Variants in PTCH2 observed in about 807,000 individuals in gnomAD.
PTCH2 encodes patched 2, also known as protein patched homolog 2.
A neutral mutation model predicts 117.9 loss-of-function variants in PTCH2; 96 were observed. The observed-to-expected ratio is 0.81, with a 90% confidence interval of 0.69 to 0.96. The LOEUF (loss-of-function observed/expected upper bound fraction) is 0.96. PTCH2 is among the 50% of genes least tolerant of loss of function. PTCH2 has a pLI of 0.00. For synonymous variants in PTCH2, 615 were observed against 660.9 expected (o/e 0.93, Z 1.06); for missense variants, 1,379 against 1,562.5 (o/e 0.88, Z 1.98).
intron 2 of PTCH2, among the ~76,000 whole-genome samples, chr1:44,834,122 CTTT>C (rs10695694): frequency 2.1e-5 from 3 of 141,006 alleles, no homozygotes; most frequent in Admixed American, 7.2e-5. Flanking sequence ...AGTTCCTTCC[CTTT>C]TTTTTTTTTT....
chr1:44,831,901 G>A lies in PTCH2; in HGVS notation c.525+74C>T, dbSNP rs899505614. On this transcript the variant is annotated intron_variant, in intron 4 of 21. Transcript: ENST00000372192. The surrounding 1 kb of genome is among the most constrained non-coding windows in gnomAD (Gnocchi z 4.3). ...TTTAAGGGGGCAGATTGCAGGCTGTGGGGCTTGCTCGGTCTCTGAGTCCTC... is the reference window on the plus strand; with the variant it reads ...TTTAAGGGGGCAGATTGCAGGCTGTAGGGCTTGCTCGGTCTCTGAGTCCTC... 14 of 1,572,094 alleles carry A rather than the reference G, an allele frequency of 8.9e-6. No individual in the cohort carries two copies. Among genetic ancestry groups the A allele is most frequent in the Non-Finnish European group, 1.2e-5 (14 of 1,141,890 alleles).
Position 44,826,625 on chromosome 1 carries a change from T to C in PTCH2, c.2839A>G (p.Ser947Gly). ...TCCCAGAAGAGGAAGGGGGAGCCGC[T>C]GGGGTAGGCGTGCACCCCAGCCTGG... ...AGQAGVHAYP[S>G]GSPFLFWEQY... is the part of the protein sequence containing the mutation. The change falls in exon 18 of 22, where the codon AGC becomes GGC. Residue 947 changes from serine to glycine, a missense_variant. By Grantham distance (56) the Ser-to-Gly change is moderately conservative. Coordinates refer to ENST00000372192, the MANE Select transcript of PTCH2 (RefSeq NM_003738.5). The surrounding 1 kb of genome is among the most constrained non-coding windows in gnomAD (Gnocchi z 5.1). 1.2e-6 allele frequency: 2 copies of C among 1,613,126 alleles called. No individual in the cohort carries two copies. The highest frequency in any genetic ancestry group is 1.7e-6 in the Non-Finnish European group (2 of 1,179,982).
Position 44,831,127 on chromosome 1 carries a change from A to C in PTCH2, c.618-84T>G. 1.5e-6 allele frequency: 2 copies of C among 1,333,248 alleles called. No homozygotes were observed. The highest frequency in any genetic ancestry group is 4.1e-5 in the Admixed American group (2 of 48,672). The allele number at this position is 1,333,248 out of a possible 1,614,324, so 82.6% of individuals were successfully genotyped here. On this transcript the variant is annotated intron_variant, in intron 5 of 21. Transcript: ENST00000372192. This position sits in a 1 kb window ranked among gnomAD's most constrained non-coding sequence, Gnocchi z 4.3. Reference sequence around the variant, plus strand: ...CTGCTGGGGCGCCATGCTGTACCCCACCCTCCTCTTATCTGCCGATTTGTC... The same window carrying C: ...CTGCTGGGGCGCCATGCTGTACCCCCCCCTCCTCTTATCTGCCGATTTGTC...
rs1653461322 is a variant in PTCH2 at position 44,831,848 on chromosome 1, G to T, written c.526-51C>A. The T allele has an allele frequency of 6.3e-7, 1 of 1,594,286 alleles. No homozygotes were observed. The highest frequency in any genetic ancestry group is 1.1e-5 in the South Asian group (1 of 90,680). On this transcript the variant is annotated intron_variant, in intron 4 of 21. Coordinates refer to ENST00000372192, the MANE Select transcript of PTCH2 (RefSeq NM_003738.5). The surrounding 1 kb of genome is among the most constrained non-coding windows in gnomAD (Gnocchi z 4.3). The stretch of plus-strand genomic sequence containing the variant: ...CAGTCCTGCCCCACAACCTTTGTAG[G>T]ATGCCCTCTGCAATCCCCCTCCTTA...
In PTCH2 at chr1:44,829,240, C is replaced by T. The variant is rs1343652333; in HGVS notation, c.1288G>A (p.Val430Ile). Residue 430 changes from valine (V) to isoleucine (I), a missense_variant, in exon 10 of 22, where the codon GTA becomes ATA. Physicochemically the swap from Val to Ile is conservative, Grantham distance 29. Coordinates refer to ENST00000372192, the MANE Select transcript of PTCH2 (RefSeq NM_003738.5). Reference protein sequence around the residue: ...QSQGSVGLAGVLLVALAVASG... With the variant: ...QSQGSVGLAGILLVALAVASG... ...GCCACCGCCAGGGCCACCAGCAGTA[C>T]CCCGGCAAGGCCCACGGAACCCTGG... 6.2e-7 allele frequency: 1 copy of T among 1,613,556 alleles called. No homozygotes were observed.
Position 44,823,458 on chromosome 1 carries a change from T to A in PTCH2, c.3115-73A>T. On this transcript the variant is annotated intron_variant, in intron 19 of 21. Coordinates refer to ENST00000372192, the MANE Select transcript of PTCH2 (RefSeq NM_003738.5). This position sits in a 1 kb window ranked among gnomAD's most constrained non-coding sequence, Gnocchi z 5.1. ...CAGCTCAGCCATGTCCCGAGCTGTA[T>A]CTGTCTTCAGAGCTCAACGATACCT... 6.2e-7 allele frequency: 1 copy of A among 1,605,906 alleles called. No homozygotes were observed.
rs1226786085 is a variant in PTCH2 at position 44,823,858 on chromosome 1, G to C, written c.3115-473C>G. Among the ~76,000 whole-genome samples, 1 of 151,866 alleles carries C rather than the reference G, an allele frequency of 6.6e-6. No individual in the cohort carries two copies. Among genetic ancestry groups the C allele is most frequent in the Non-Finnish European group, 1.5e-5 (1 of 67,988 alleles). ...GGAGGCTGAGGTGGGAGGATCGCTT[G>C]GCCCAGGAGGTGGAGGTTGCAGTGA... On this transcript the variant is annotated intron_variant, in intron 19 of 21. Transcript: ENST00000372192. This position sits in a 1 kb window ranked among gnomAD's most constrained non-coding sequence, Gnocchi z 5.1.
rs1184052513 is a variant in PTCH2, at chr1:44,829,591, C to G, written c.1083+23G>C. 6 of 1,614,080 alleles carry G rather than the reference C, an allele frequency of 3.7e-6. No individual in the cohort carries two copies. The East Asian group carries it at 6.7e-5, about 18-fold the overall frequency. On this transcript the variant is annotated intron_variant, in intron 8 of 21. Coordinates refer to ENST00000372192, the MANE Select transcript of PTCH2 (RefSeq NM_003738.5). ...AGGAGGGAATGGCCTCAGGGCACCCCCCTTGTCCTTGTCCATACCGACCTG... is the reference window on the plus strand; with the variant it reads ...AGGAGGGAATGGCCTCAGGGCACCCGCCTTGTCCTTGTCCATACCGACCTG...
chr1:44,842,957 C>G lies in PTCH2; in HGVS notation c.-25G>C. ...TGCTGGCGGGGATGGGGGGCGCGGGCGCCCCCAACCCGCGTTATCTGGGCG... is the reference window on the plus strand; with the variant it reads ...TGCTGGCGGGGATGGGGGGCGCGGGGGCCCCCAACCCGCGTTATCTGGGCG... On this transcript the variant is annotated 5_prime_UTR_variant, in exon 1 of 22. Transcript: ENST00000372192. 2 of 1,521,742 alleles carry G rather than the reference C, an allele frequency of 1.3e-6. No homozygotes were observed. The highest frequency in any genetic ancestry group is 1.8e-6 in the Non-Finnish European group (2 of 1,136,334). The allele number at this position is 1,521,742 out of a possible 1,614,324, so 94.3% of individuals were successfully genotyped here.
At chr1:44,840,324 A>G (rs571930065) in intron 2 of PTCH2, among the ~76,000 whole-genome samples, 1 of 150,642 alleles carries the variant, frequency 6.6e-6, no homozygotes, top group Non-Finnish European at 1.5e-5. Context: ...GTTGGTCTTG[A>G]ACTCCTGACC....
chr1:44,842,317 TTGCCC>T (rs2148886764), intron 1 of PTCH2, among the ~76,000 whole-genome samples: 1 of 150,642 alleles, frequency 6.6e-6, no homozygotes, highest in African/African-American at 2.5e-5. Context: ...TCTCGCTCTG[TTGCCC>T]TGGCTGGAGT....
At position 44,823,384 on chromosome 1, in the gene PTCH2, C is replaced by T. The variant is rs751237223; in HGVS notation, c.3116G>A (p.Gly1039Asp). 1 of 1,614,124 alleles carries T rather than the reference C, an allele frequency of 6.2e-7. No homozygotes were observed. Among genetic ancestry groups the T allele is most frequent in the Non-Finnish European group, 8.5e-7 (1 of 1,180,030 alleles). ...GVEFTVHVALGFLTTQGSRNL... is the reference protein window; with the variant it reads ...GVEFTVHVALDFLTTQGSRNL... ...CCGGCTGCCCTGGGTGGTCAGGAAG[C>T]CCTAGGAAAACAGAGTGGTCCTGGA... Residue 1039 changes from glycine (G) to aspartate (D), a missense_variant and splice_region_variant, in exon 20 of 22, where the codon GGC (glycine) becomes GAC (aspartate). Physicochemically the swap from Gly to Asp is moderately conservative, Grantham distance 94 (BLOSUM62 -1). Transcript: ENST00000372192. The surrounding 1 kb of genome is among the most constrained non-coding windows in gnomAD (Gnocchi z 5.1).
At position 44,822,498 on chromosome 1, in the gene PTCH2, C is replaced by A. The variant is rs1416107461; in HGVS notation, c.3529G>T (p.Ala1177Ser). ...GGGGACCAAGGGGGCTCATCAGGGG[C>A]TGGATGGATGTAGGCACCAGGCAGG... ...PPLPGAYIHP[A>S]PDEPPWSPAA... The change falls in exon 22 of 22, where the codon GCC (alanine) becomes TCC (serine). Residue 1177 changes from alanine to serine, a missense_variant. Ala to Ser is a moderately conservative substitution (Grantham distance 99). Coordinates refer to ENST00000372192, the MANE Select transcript of PTCH2 (RefSeq NM_003738.5). The A allele has an allele frequency of 1.5e-5, 25 of 1,613,932 alleles. No individual in the cohort carries two copies. Among genetic ancestry groups the A allele is most frequent in the Non-Finnish European group, 2.1e-5 (25 of 1,179,902 alleles).
intron 1 of PTCH2, among the ~76,000 whole-genome samples, chr1:44,842,356 T>G (rs1653990354): frequency 6.7e-6 from 1 of 148,150 alleles, no homozygotes; most frequent in African/African-American, 2.5e-5. Context: ...CTCGGCTGAC[T>G]GCAACCTCCG....
At position 44,822,483 on chromosome 1, in the gene PTCH2, G is replaced by C. The variant is rs997907878; in HGVS notation, c.3544C>G (p.Pro1182Ala). Residue 1182 changes from proline (P) to alanine (A), a missense_variant, in exon 22 of 22, where the codon CCT becomes GCT. Coordinates refer to ENST00000372192, the MANE Select transcript of PTCH2 (RefSeq NM_003738.5). ...GAGCTAGTGGCAGCAGGGGACCAAG[G>C]GGGCTCATCAGGGGCTGGATGGATG... ...AYIHPAPDEP[P>A]WSPAATSSGN... 7 of 1,613,874 alleles carry C rather than the reference G, an allele frequency of 4.3e-6. No individual in the cohort carries two copies. The highest frequency in any genetic ancestry group is 3.3e-4 in the Middle Eastern group (2 of 6,074).
At chr1:44,825,707 A>G (rs1653112623) in intron 19 of PTCH2, among the ~76,000 whole-genome samples, 1 of 148,594 alleles carries the variant, frequency 6.7e-6, no homozygotes, top group Non-Finnish European at 1.5e-5. Context: ...TTGTATTTTC[A>G]GTAGAGACGG....
Position 44,822,655 on chromosome 1 carries a change from G to A in PTCH2, c.3372C>T (p.Tyr1124=). 1 of 1,613,876 alleles carries A rather than the reference G, an allele frequency of 6.2e-7. No homozygotes were observed. Among genetic ancestry groups the A allele is most frequent in the Non-Finnish European group, 8.5e-7 (1 of 1,179,864 alleles). Residue 1124 remains tyrosine, a synonymous_variant, in exon 22 of 22, where the codon TAC becomes TAT. Transcript: ENST00000372192. ...LGPPPEVIQM[Y]KESPEILSPP... ...GACTCAGGATCTCTGGGCTTTCCTT[G>A]TACATCTGTATCACCTGTGGGGAGA...
intron 2 of PTCH2, among the ~76,000 whole-genome samples, chr1:44,837,417 C>T (rs1653735906): frequency 6.6e-6 from 1 of 152,120 alleles, no homozygotes; most frequent in African/African-American, 2.4e-5. Context: ...TCATGTGTGG[C>T]CAAATTTTGT....
In PTCH2 at chr1:44,843,096, G is replaced by A; in HGVS notation, c.-164C>T. 7.2e-7 allele frequency: 1 copy of A among 1,392,478 alleles called. No individual in the cohort carries two copies. The allele number at this position is 1,392,478 out of a possible 1,614,324, so 86.3% of individuals were successfully genotyped here. ...GTGGGGTGTGGGTGTTAAAGCGGCT[G>A]GGAGGGAGGAGTGCAGGGAGCTGCG... On this transcript the variant is annotated 5_prime_UTR_variant, in exon 1 of 22. Transcript: ENST00000372192.
Sources: gnomAD v4.1 joint callset for allele counts (sites outside exome capture counted in the v4.1 genomes callset) on GRCh38, gnomAD v4.1.1 for gene constraint, Gnocchi (gnomAD v3.1) non-coding constraint, MANE v1.5 for transcripts, NCBI Gene and HGNC (gene_info 2026-07-23, HGNC 2026-07-21) for gene names.